The following ARHGAP24 variants were observed in gnomAD, a reference collection of about 807,000 sequenced individuals.
ARHGAP24 encodes rho GTPase-activating protein 24.
Under a neutral mutation model 76.4 loss-of-function variants are expected in ARHGAP24, and 50 were observed. That is an observed-to-expected ratio of 0.65 (90% confidence interval 0.52 to 0.83). The LOEUF (loss-of-function observed/expected upper bound fraction) is 0.83. Among genes scored for constraint, ARHGAP24 ranks in the 40% least tolerant of loss-of-function variants. ARHGAP24 has a pLI of 0.00. For missense variants in ARHGAP24, 930 were observed against 914.2 expected, an observed-to-expected ratio of 1.02 and a Z score of -0.22; for synonymous variants, 345 against 323.3, an observed-to-expected ratio of 1.07 and a Z score of -0.72.
chr4:85,765,894 A>C (rs1269081227), intron 3 of ARHGAP24, among the ~76,000 whole-genome samples: 1 of 152,152 alleles, frequency 6.6e-6, no homozygotes, highest in Non-Finnish European at 1.5e-5. Flanking sequence ...ATAAATTTAC[A>C]CTCAATTGCA....
chr4:85,918,850 T>C (rs1269606716), intron 3 of ARHGAP24, among the ~76,000 whole-genome samples: 4 of 152,202 alleles, frequency 2.6e-5, no homozygotes, highest in Non-Finnish European at 5.9e-5. Flanking sequence ...GTGTCAACAG[T>C]AGCACTAAAG....
intron 1 of ARHGAP24, among the ~76,000 whole-genome samples, chr4:85,536,573 G>C (rs999706814): frequency 6.6e-6 from 1 of 152,040 alleles, no homozygotes; most frequent in Non-Finnish European, 1.5e-5. Flanking sequence ...ATGGCTGTTG[G>C]AGTGATTTAA....
At chr4:85,500,855 G>T (rs1386949299) in intron 1 of ARHGAP24, among the ~76,000 whole-genome samples, 2 of 151,938 alleles carry the variant, frequency 1.3e-5, no homozygotes, top group Non-Finnish European at 1.5e-5. Flanking sequence ...TCCTAACGCT[G>T]TTCCTCCCCC....
At chr4:85,802,745 C>T (rs188791808) in intron 3 of ARHGAP24, among the ~76,000 whole-genome samples, 9 of 152,194 alleles carry the variant, frequency 5.9e-5, no homozygotes, top group Admixed American at 2.0e-4. Flanking sequence ...GAGCTGAGAC[C>T]GCACCATTGC....
intron 6 of ARHGAP24, among the ~76,000 whole-genome samples, chr4:85,973,830 A>ATT (rs1578452367): frequency 1.1e-4 from 4 of 36,964 alleles, no homozygotes; most frequent in African/African-American, 4.8e-4. Flanking sequence ...ACTGCTGCCT[A>ATT]TTGTTTTTTT....
At chr4:85,700,750 A>G (rs1044878943) in intron 2 of ARHGAP24, among the ~76,000 whole-genome samples, 1 of 152,194 alleles carries the variant, frequency 6.6e-6, no homozygotes, top group Non-Finnish European at 1.5e-5. Flanking sequence ...TCCACTAAAA[A>G]GACTCTTTTA....
chr4:85,641,228 T>G (rs143671020), intron 2 of ARHGAP24, among the ~76,000 whole-genome samples: 1,694 of 152,260 alleles, frequency 0.011, 94 homozygotes, highest in Admixed American at 0.094. Flanking sequence ...TTGCGCGTAG[T>G]GGGACTCAGG....
intron 8 of ARHGAP24, chr4:85,990,529 A>C (rs976427877): frequency 1.3e-5 from 2 of 151,494 alleles, no homozygotes; most frequent in Non-Finnish European, 3.0e-5. Flanking sequence ...TGATTTCAAG[A>C]CTTAGTATAA....
At chr4:85,820,782 T>C (rs150068768) in intron 3 of ARHGAP24, among the ~76,000 whole-genome samples, 1 of 152,284 alleles carries the variant, frequency 6.6e-6, no homozygotes, top group African/African-American at 2.4e-5. Flanking sequence ...ATCCACTGCT[T>C]CATTTTTCCA....
At chr4:85,588,019 A>G (rs1367024711) in intron 2 of ARHGAP24, among the ~76,000 whole-genome samples, 1 of 152,210 alleles carries the variant, frequency 6.6e-6, no homozygotes, top group African/African-American at 2.4e-5. Context: ...TAAAGAAGAA[A>G]GAAGACTGTC....
chr4:85,481,485 C>A (rs1722814467), intron 1 of ARHGAP24, among the ~76,000 whole-genome samples: 1 of 152,128 alleles, frequency 6.6e-6, no homozygotes, highest in Non-Finnish European at 1.5e-5. Flanking sequence ...ATGACAGCAT[C>A]CTAGTGCTGA....
At chr4:85,750,485 CTTTTTTTTTTTTTTTT>C (rs60635375) in intron 3 of ARHGAP24, among the ~76,000 whole-genome samples, 2 of 61,616 alleles carry the variant, frequency 3.2e-5, no homozygotes, top group Admixed American at 2.5e-4. Context: ...CTTTTCATTC[CTTTTTTTTTTTTTTTT>C]TTTTTTTTTT....
Position 85,724,508 on chromosome 4 carries a change from TATATATATATATATATATATAG to T in ARHGAP24, c.268+2537_268+2558del, listed in dbSNP as rs1287092065. ...CCATGTGTGTATATATATATATATA[TATATATATATATATATATATAG>T]GAATTTTTATTTTGTTTTATTTTTG... On this transcript the variant is annotated intron_variant, in intron 3 of 9. Coordinates refer to ENST00000395184, the MANE Select transcript of ARHGAP24 (RefSeq NM_001025616.3). 3.5e-4 allele frequency among the ~76,000 whole-genome samples: 7 copies of T among 19,876 alleles called. No homozygotes were observed. In the East Asian group the frequency reaches 7.7e-3, roughly 22 times the overall value. 13.0% of individuals were successfully genotyped at this position (19,876 alleles called of 152,430 possible).
chr4:85,875,779 T>C (rs965098770), intron 3 of ARHGAP24, among the ~76,000 whole-genome samples: 1 of 148,716 alleles, frequency 6.7e-6, no homozygotes, highest in Non-Finnish European at 1.5e-5. Context: ...TATCGCTCTG[T>C]TGTCCAGGCT....
intron 2 of ARHGAP24, among the ~76,000 whole-genome samples, chr4:85,663,587 G>C (rs1722491319): frequency 6.7e-6 from 1 of 148,382 alleles, no homozygotes; most frequent in Non-Finnish European, 1.5e-5. Context: ...GGGCATCCCT[G>C]TCTTGTGCCA....
At chr4:85,927,945 G>T (rs1315246975) in intron 4 of ARHGAP24, among the ~76,000 whole-genome samples, 1 of 152,152 alleles carries the variant, frequency 6.6e-6, no homozygotes, top group Non-Finnish European at 1.5e-5. Flanking sequence ...CTGTTAGGTG[G>T]AAATGTAAAT....
At chr4:85,658,746 A>G (rs1402245521) in intron 2 of ARHGAP24, among the ~76,000 whole-genome samples, 8 of 152,294 alleles carry the variant, frequency 5.3e-5, no homozygotes, top group Non-Finnish European at 7.3e-5. Context: ...TCACTTTTAG[A>G]GTAGTTTATA....
chr4:85,625,436 A>G (rs1720907708), intron 2 of ARHGAP24, among the ~76,000 whole-genome samples: 1 of 152,094 alleles, frequency 6.6e-6, no homozygotes, highest in Non-Finnish European at 1.5e-5. Flanking sequence ...TGTCTGAGAG[A>G]CAGTTTGTTA....
At chr4:85,600,861 C>T (rs573041251) in intron 2 of ARHGAP24, among the ~76,000 whole-genome samples, 9 of 152,214 alleles carry the variant, frequency 5.9e-5, no homozygotes, top group Non-Finnish European at 1.2e-4. Context: ...CCTTGAAAAA[C>T]GTTTTTCGTT....
Sources: allele counts gnomAD v4.1 joint callset (sites outside exome capture counted in the v4.1 genomes callset), GRCh38; gene constraint gnomAD v4.1.1; transcripts MANE v1.5; gene names NCBI Gene and HGNC (gene_info 2026-07-23, HGNC 2026-07-21).